Variants in ST3GAL1 observed in about 807,000 individuals in gnomAD.
The protein encoded by ST3GAL1 is CMP-N-acetylneuraminate-beta-galactosamide-alpha-2,3-sialyltransferase 1.
ST3GAL1 carries 16 observed loss-of-function variants against 34.1 expected under a neutral mutation model. That is an observed-to-expected ratio of 0.47 (90% CI 0.32 to 0.71). ST3GAL1 has a LOEUF of 0.71. Among genes scored for constraint, ST3GAL1 ranks in the 30% least tolerant of loss-of-function variants. The probability of loss-of-function intolerance (pLI) is 0.04; values close to 1 mark genes in which losing one functional copy is unlikely to be tolerated. For synonymous variants in ST3GAL1, 191 were observed against 184.7 expected, an observed-to-expected ratio of 1.03 and a Z score of -0.28; for missense variants, 353 against 447.4, an observed-to-expected ratio of 0.79 and a Z score of 1.90.
chr8:133,534,215 C>G (rs547352184), intron 2 of ST3GAL1, among the ~76,000 whole-genome samples: 1 of 152,316 alleles, frequency 6.6e-6, no homozygotes, highest in African/African-American at 2.4e-5. Context: ...TCTTCTGACA[C>G]CCAATCCTCC....
chr8:133,557,740 T>C (rs1819096652), intron 1 of ST3GAL1, among the ~76,000 whole-genome samples: 1 of 151,850 alleles, frequency 6.6e-6, no homozygotes, highest in African/African-American at 2.4e-5. Flanking sequence ...CCCAGCTACT[T>C]AGGAGGCTGA....
At chr8:133,521,857 G>A (rs962022806) in intron 2 of ST3GAL1, among the ~76,000 whole-genome samples, 7 of 152,172 alleles carry the variant, frequency 4.6e-5, no homozygotes, top group African/African-American at 7.2e-5. Context: ...CCAAAATGCC[G>A]TGAAAGAAAA....
At position 133,456,031 on chromosome 8, in the gene ST3GAL1, TCCCTCC is replaced by T; in HGVS notation, c.*3727_*3732del. ...GCCCTCTCCACCTTCTTTTTTTTTT[TCCCTCC>T]TATTTTACATTCTATTTTCTCATAT... On this transcript the variant is annotated 3_prime_UTR_variant, in exon 10 of 10. Coordinates refer to ENST00000522652, the MANE Select transcript of ST3GAL1 (RefSeq NM_173344.3). The T allele has an allele frequency of 7.4e-6, 1 of 134,714 alleles. No homozygotes were observed. The highest frequency in any genetic ancestry group is 1.5e-5 in the Non-Finnish European group (1 of 65,498). 8.3% of individuals were successfully genotyped at this position (134,714 alleles called of 1,614,324 possible).
intron 2 of ST3GAL1, among the ~76,000 whole-genome samples, chr8:133,532,868 G>C (rs992448644): frequency 1.3e-5 from 2 of 152,206 alleles, no homozygotes; most frequent in African/African-American, 2.4e-5. Flanking sequence ...CAGCGTGGAG[G>C]GGGTGATAGT....
intron 3 of ST3GAL1, among the ~76,000 whole-genome samples, chr8:133,490,913 T>G (rs1816765317): frequency 6.6e-6 from 1 of 152,190 alleles, no homozygotes; most frequent in Admixed American, 6.5e-5. Flanking sequence ...TCCGTTTCCT[T>G]TGGAGCCTGT....
chr8:133,493,228 C>A (rs191808287), intron 3 of ST3GAL1, among the ~76,000 whole-genome samples: 1 of 152,368 alleles, frequency 6.6e-6, no homozygotes, highest in Non-Finnish European at 1.5e-5. Flanking sequence ...TTCTGCTCAA[C>A]TTTAAAACAC....
At chr8:133,542,334 C>T (rs1818558657) in intron 2 of ST3GAL1, among the ~76,000 whole-genome samples, 1 of 152,218 alleles carries the variant, frequency 6.6e-6, no homozygotes, top group Admixed American at 6.5e-5. Flanking sequence ...GCAGCAAGTG[C>T]TCAAATGACG....
rs141883479 is a variant in ST3GAL1, at chr8:133,510,167, G to T, written c.-428-10978C>A. Among the ~76,000 whole-genome samples the T allele has an allele frequency of 5.3e-3, 809 of 152,120 alleles. 5 individuals are homozygous for T. Among genetic ancestry groups the T allele is most frequent in the Middle Eastern group, 0.017 (5 of 288 alleles). Reference sequence around the variant, plus strand: ...CTACTGCATCACACACCTGTTTTCAGGGGACTTCCCAGGTTAAGCCTTTCA... The same window carrying T: ...CTACTGCATCACACACCTGTTTTCATGGGACTTCCCAGGTTAAGCCTTTCA... On this transcript the variant is annotated intron_variant, in intron 2 of 9. Transcript: ENST00000522652.
At chr8:133,518,630 C>T (rs1817712733) in intron 2 of ST3GAL1, among the ~76,000 whole-genome samples, 1 of 152,174 alleles carries the variant, frequency 6.6e-6, no homozygotes, top group African/African-American at 2.4e-5. Context: ...CAAACACAGC[C>T]CCACCCAGGA....
At position 133,541,110 on chromosome 8, in the gene ST3GAL1, T is replaced by TAGAGAGAGAGAG. The variant is rs1488410302; in HGVS notation, c.-429+4663_-429+4664insCTCTCTCTCTCT. Among the ~76,000 whole-genome samples, 23 of 42,026 alleles carry TAGAGAGAGAGAG rather than the reference T, an allele frequency of 5.5e-4. No homozygotes were observed. The East Asian group carries it at 6.2e-3, about 11-fold the overall frequency. 27.6% of individuals were successfully genotyped at this position (42,026 alleles called of 152,430 possible). On this transcript the variant is annotated intron_variant, in intron 2 of 9. Transcript: ENST00000522652. ...ATATATATAAACATATATATATATA[T>TAGAGAGAGAGAG]ATATATATATAGAGAGAGAGAGAGA...
chr8:133,471,530 C>G (rs1353182142), intron 5 of ST3GAL1, among the ~76,000 whole-genome samples: 3 of 152,158 alleles, frequency 2.0e-5, no homozygotes, highest in Non-Finnish European at 2.9e-5. Flanking sequence ...TCTTATAGAC[C>G]TATTTTACAG....
rs569403350 is a variant in ST3GAL1, at chr8:133,466,303, C to T, written c.307-213G>A. Among the ~76,000 whole-genome samples the T allele has an allele frequency of 2.0e-5, 3 of 152,302 alleles. No homozygotes were observed. In the South Asian group the frequency reaches 6.2e-4, roughly 32 times the overall value. On this transcript the variant is annotated intron_variant, in intron 5 of 9. Transcript: ENST00000522652. The surrounding 1 kb of genome is among the most constrained non-coding windows in gnomAD (Gnocchi z 4.4). ...TTACTCAGGAAGTAAAGAGAGCATT[C>T]ATGTATTCTGCAAGTGTTTACTGAG...
In ST3GAL1 at chr8:133,570,168, A is replaced by AGC. The variant is rs1225137692; in HGVS notation, c.-582+1524_-582+1525insGC. 1 of 151,988 alleles carries AGC rather than the reference A, an allele frequency of 6.6e-6. No individual in the cohort carries two copies. Among genetic ancestry groups the AGC allele is most frequent in the Non-Finnish European group, 1.5e-5 (1 of 67,994 alleles). 9.4% of individuals were successfully genotyped at this position (151,988 alleles called of 1,614,324 possible). ...CCTCCTCCCGTCTCTTCCTCTCACC[A>AGC]CACACACCCAGCCGCAGAGCGGGGG... On this transcript the variant is annotated intron_variant, in intron 1 of 9. Coordinates refer to ENST00000522652, the MANE Select transcript of ST3GAL1 (RefSeq NM_173344.3). The surrounding 1 kb of genome is among the most constrained non-coding windows in gnomAD (Gnocchi z 5.6).
chr8:133,559,441 C>T (rs964678616), intron 1 of ST3GAL1, among the ~76,000 whole-genome samples: 1 of 152,124 alleles, frequency 6.6e-6, no homozygotes, highest in Admixed American at 6.5e-5. Flanking sequence ...AAAGAAAGAA[C>T]GATGGTACTG....
At chr8:133,464,551 G>C (rs1563694527) in intron 7 of ST3GAL1, among the ~76,000 whole-genome samples, 1 of 152,228 alleles carries the variant, frequency 6.6e-6, no homozygotes, top group Non-Finnish European at 1.5e-5. Context: ...GTCCCTTCAG[G>C]AATTGTTAGC....
intron 4 of ST3GAL1, 74 bp downstream of exon 4, chr8:133,476,204 A>G (rs948106259): frequency 7.8e-6 from 5 of 642,476 alleles, no homozygotes; most frequent in Middle Eastern, 4.2e-4. Context: ...ATGACCCCCA[A>G]CTGTGTCCCA....
intron 2 of ST3GAL1, among the ~76,000 whole-genome samples, chr8:133,524,237 C>G (rs1817895190): frequency 2.6e-5 from 4 of 152,168 alleles, no homozygotes; most frequent in Admixed American, 2.6e-4. Context: ...TATTATTACC[C>G]CAATTTTTCA....
At chr8:133,485,773 A>AAGAC (rs1563707353) in intron 3 of ST3GAL1, among the ~76,000 whole-genome samples, 1 of 151,742 alleles carries the variant, frequency 6.6e-6, no homozygotes, top group Non-Finnish European at 1.5e-5. Flanking sequence ...TGCAACTGAA[A>AAGAC]AGAGAGGGTG....
At chr8:133,496,814 C>CCATGGATA (rs1816961412) in intron 3 of ST3GAL1, among the ~76,000 whole-genome samples, 2 of 152,236 alleles carry the variant, frequency 1.3e-5, no homozygotes, top group African/African-American at 4.8e-5. Flanking sequence ...CAGGCCACGG[C>CCATGGATA]ACCCAAGGGG....
Sources: allele counts gnomAD v4.1 joint callset (sites outside exome capture counted in the v4.1 genomes callset), GRCh38; gene constraint gnomAD v4.1.1; non-coding constraint Gnocchi (gnomAD v3.1); transcripts MANE v1.5; gene names NCBI Gene and HGNC (gene_info 2026-07-23, HGNC 2026-07-21).